APC2: variants seen among roughly 807,000 people sequenced by gnomAD.
APC2 encodes the protein adenomatous polyposis coli protein 2.
APC2 carries 41 observed loss-of-function variants against 72.5 expected under a neutral mutation model. That is an observed-to-expected ratio of 0.57 (90% CI 0.44 to 0.73). The LOEUF (loss-of-function observed/expected upper bound fraction) is 0.73. APC2 is among the 30% of genes least tolerant of loss of function. The pLI, the probability that APC2 is intolerant of heterozygous loss-of-function variation, is 0.00. For missense variants in APC2, 3,729 were observed against 3,403.4 expected (o/e 1.10, Z -2.38); for synonymous variants, 1,898 against 1,612.0 (o/e 1.18, Z -4.25).
In APC2 at chr19:1,452,891, C is replaced by G; in HGVS notation, c.-18-93C>G. ...CCCCCCAACCCAGGATCAGGCAGGA[C>G]GGCTGGGGCTTAGGTCAGGGGCCGT... On this transcript the variant is annotated intron_variant, in intron 1 of 14. Transcript: ENST00000590469. This position sits in a 1 kb window ranked among gnomAD's most constrained non-coding sequence, Gnocchi z 5.1. 1 of 1,434,616 alleles carries G rather than the reference C, an allele frequency of 7.0e-7. No individual in the cohort carries two copies. Among genetic ancestry groups the G allele is most frequent in the Non-Finnish European group, 9.3e-7 (1 of 1,069,804 alleles). 88.9% of individuals were successfully genotyped at this position (1,434,616 alleles called of 1,614,324 possible).
At position 1,470,029 on chromosome 19, in the gene APC2, C is replaced by T. The variant is rs2084107549; in HGVS notation, c.6728C>T (p.Pro2243Leu). 6.4e-7 allele frequency: 1 copy of T among 1,561,774 alleles called. No individual in the cohort carries two copies. The highest frequency in any genetic ancestry group is 8.6e-7 in the Non-Finnish European group (1 of 1,159,240). Residue 2243 changes from proline (P) to leucine (L), a missense_variant, in exon 15 of 15, where the codon CCC becomes CTC. By Grantham distance (98) the Pro-to-Leu change is moderately conservative (BLOSUM62 -3). Transcript: ENST00000590469. ...CTCGCCAAGGCTCCCATCTCCGCACCCTTCGTGCACGAGGGCCTGGGGGTC... is the reference window on the plus strand; with the variant it reads ...CTCGCCAAGGCTCCCATCTCCGCACTCTTCGTGCACGAGGGCCTGGGGGTC... ...PSLAKAPISA[P>L]FVHEGLGVAV...
chr19:1,457,036 G>T lies in APC2; in HGVS notation c.1000G>T (p.Ala334Ser). The change falls in exon 9 of 15, where the codon GCC (alanine) becomes TCC (serine). Residue 334 changes from alanine (A) to serine (S), a missense_variant. Physicochemically the swap from Ala to Ser is moderately conservative, Grantham distance 99. Coordinates refer to ENST00000590469, the MANE Select transcript of APC2 (RefSeq NM_005883.3). ...TEAAAGGRAG[A>S]PGAPGAKDAR... ...GGCCGCGGCCGGGGGTCGCGCCGGG[G>T]CCCCAGGGGCACCGGGCGCCAAGGA... The T allele has an allele frequency of 1.3e-6, 2 of 1,526,548 alleles. No homozygotes were observed. The highest frequency in any genetic ancestry group is 1.7e-6 in the Non-Finnish European group (2 of 1,143,652). 94.6% of individuals were successfully genotyped at this position (1,526,548 alleles called of 1,614,324 possible). A position where few individuals can be genotyped will look rare whatever the true frequency, so the allele number is the denominator to read the frequency against.
chr19:1,461,136 G>A lies in APC2; in HGVS notation c.1621G>A (p.Val541Ile), dbSNP rs937448612. ...AGSVTALVQC[V>I]LRATKESTLK... ...CAGCGTGACTGCCCTGGTGCAGTGTGTCCTGCGGGCCACCAAGGTGGGCAC... is the reference window on the plus strand; with the variant it reads ...CAGCGTGACTGCCCTGGTGCAGTGTATCCTGCGGGCCACCAAGGTGGGCAC... The change falls in exon 13 of 15, where the codon GTC becomes ATC. Residue 541 changes from valine (V) to isoleucine (I), a missense_variant. By Grantham distance (29) the Val-to-Ile change is conservative. Coordinates refer to ENST00000590469, the MANE Select transcript of APC2 (RefSeq NM_005883.3). 2.5e-6 allele frequency: 4 copies of A among 1,611,210 alleles called. No individual in the cohort carries two copies. The African/African-American group carries it at 5.3e-5, about 21-fold the overall frequency.
Position 1,468,550 on chromosome 19 carries a change from G to A in APC2, c.5249G>A (p.Arg1750Gln), listed in dbSNP as rs758126996. ...QAEGEMGSARRPEKRGAASVK... is the reference protein window; with the variant it reads ...QAEGEMGSARQPEKRGAASVK... ...GAGGGAGAAATGGGCAGTGCCCGGC[G>A]GCCAGAGAAAAGGGGCGCAGCCTCA... Residue 1750 changes from arginine (R) to glutamine (Q), a missense_variant, in exon 15 of 15, where the codon CGG becomes CAG. By Grantham distance (43) the Arg-to-Gln change is conservative. Coordinates refer to ENST00000590469, the MANE Select transcript of APC2 (RefSeq NM_005883.3). 1.3e-6 allele frequency: 2 copies of A among 1,598,072 alleles called. No individual in the cohort carries two copies. Among genetic ancestry groups the A allele is most frequent in the Admixed American group, 1.7e-5 (1 of 59,284 alleles).
chr19:1,457,564 G>A (rs1241633379), intron 9 of APC2: 1 of 510,564 alleles, frequency 2.0e-6, no homozygotes, highest in Non-Finnish European at 3.5e-6. Context: ...CGGGCGCTGT[G>A]ACTCACACCT....
rs1277465985 is a variant in APC2, at chr19:1,472,580, G to T, written c.*2367G>T. 2 of 152,098 alleles carry T rather than the reference G, an allele frequency of 1.3e-5. No individual in the cohort carries two copies. The highest frequency in any genetic ancestry group is 2.9e-5 in the Non-Finnish European group (2 of 68,028). The allele number at this position is 152,098 out of a possible 1,614,324, so 9.4% of individuals were successfully genotyped here. A position where few individuals can be genotyped will look rare whatever the true frequency, so the allele number is the denominator to read the frequency against. On this transcript the variant is annotated 3_prime_UTR_variant, in exon 15 of 15. Coordinates refer to ENST00000590469, the MANE Select transcript of APC2 (RefSeq NM_005883.3). ...CAGCAGCAAGGTGCGCAACATGGCT[G>T]CCAGCCCCGCCTCCCACCCCCACCC... is the stretch of plus-strand genomic sequence containing the variant.
chr19:1,457,788 A>G, intron 9 of APC2, 177 bp from the exon 10 acceptor site: 1 of 630,184 alleles, frequency 1.6e-6, no homozygotes, highest in Non-Finnish European at 2.8e-6. Context: ...GCTGAGTGAG[A>G]GAGGCCACCC....
chr19:1,470,413 TC>T lies in APC2; in HGVS notation c.*202del. The stretch of plus-strand genomic sequence containing the variant: ...AGACCTTGCCTCTGTGCCGCGGAGG[TC>T]CAGGAGGAAACGGGGCGGCCGCTAG... On this transcript the variant is annotated 3_prime_UTR_variant, in exon 15 of 15. Transcript: ENST00000590469. 2 of 785,314 alleles carry T rather than the reference TC, an allele frequency of 2.5e-6. No individual in the cohort carries two copies. The highest frequency in any genetic ancestry group is 2.2e-5 in the South Asian group (1 of 44,672). 48.6% of individuals were successfully genotyped at this position (785,314 alleles called of 1,614,324 possible).
rs560844801 is a variant in APC2 at position 1,456,952 on chromosome 19, G to C, written c.916G>C (p.Val306Leu). 5 of 1,548,114 alleles carry C rather than the reference G, an allele frequency of 3.2e-6. No individual in the cohort carries two copies. Among genetic ancestry groups the C allele is most frequent in the Non-Finnish European group, 4.3e-6 (5 of 1,154,272 alleles). ...LAMSSSPESC[V>L]AMRRSGCLPL... ...CATGTCCAGCTCGCCCGAGAGCTGC[G>C]TGGCCATGCGCCGCTCGGGCTGTCT... Residue 306 changes from valine to leucine, a missense_variant, in exon 9 of 15, where the codon GTG (valine) becomes CTG (leucine). By Grantham distance (32) the Val-to-Leu change is conservative. Transcript: ENST00000590469.
At position 1,460,761 on chromosome 19, in the gene APC2, G is replaced by A; in HGVS notation, c.1444-19G>A. On this transcript the variant is annotated intron_variant, in intron 11 of 14. Transcript: ENST00000590469. ...CTTGTGTCCCAACCCCGTGACCCCG[G>A]CTGCATAACCCCCAACAGGCCACCC... The A allele has an allele frequency of 1.2e-6, 2 of 1,610,008 alleles. No individual in the cohort carries two copies. The highest frequency in any genetic ancestry group is 8.5e-7 in the Non-Finnish European group (1 of 1,177,704).
intron 9 of APC2, 123 bp downstream of exon 9, chr19:1,457,366 C>G (rs2083850648): frequency 7.4e-7 from 1 of 1,359,608 alleles, no homozygotes; most frequent in African/African-American, 1.5e-5. Flanking sequence ...GGCTGCAGTA[C>G]CAGGCTCCGG....
chr19:1,450,180 T>C lies in APC2; in HGVS notation c.-177T>C. ...CCGCCTGCCCAGGCCCGGACCGGGC[T>C]TTGTCCGCCCCGGAGCCCCTGCCCG... On this transcript the variant is annotated 5_prime_UTR_variant, in exon 1 of 15. Transcript: ENST00000590469. 1.0e-6 allele frequency: 1 copy of C among 985,016 alleles called. No individual in the cohort carries two copies. Among genetic ancestry groups the C allele is most frequent in the Non-Finnish European group, 1.2e-6 (1 of 829,808 alleles). 61.0% of individuals were successfully genotyped at this position (985,016 alleles called of 1,614,324 possible).
rs142402932 is a variant in APC2 at position 1,456,369 on chromosome 19, C to G, written c.781C>G (p.Pro261Ala). 1,153 of 1,608,610 alleles carry G rather than the reference C, an allele frequency of 7.2e-4. 21 individuals carry two copies. In the South Asian group the frequency reaches 0.01, roughly 14 times the overall value. Reference sequence around the variant, plus strand: ...CCCCGAGACAGAGGTCCCCACACACCCTGAGGATGGCACCCCTCAGCCGGG... The same window carrying G: ...CCCCGAGACAGAGGTCCCCACACACGCTGAGGATGGCACCCCTCAGCCGGG... ...EDPETEVPTH[P>A]EDGTPQPGNS... is the part of the protein sequence containing the mutation. The change falls in exon 8 of 15, where the codon CCT (proline) becomes GCT (alanine). Residue 261 changes from proline to alanine, a missense_variant. Transcript: ENST00000590469.
At chr19:1,463,253 T>C (rs1485592183) in intron 14 of APC2, among the ~76,000 whole-genome samples, 1 of 151,404 alleles carries the variant, frequency 6.6e-6, no homozygotes, top group Non-Finnish European at 1.5e-5. Flanking sequence ...CCGTCTCTAC[T>C]GCAAATACAA....
chr19:1,466,665 C>T lies in APC2; in HGVS notation c.3364C>T (p.Leu1122=), dbSNP rs996994364. The change falls in exon 15 of 15, where the codon CTG becomes TTG. Residue 1122 remains leucine, a synonymous_variant. Coordinates refer to ENST00000590469, the MANE Select transcript of APC2 (RefSeq NM_005883.3). ...STWRAPGATS[L]PVAIPAPRRN... ...GTGGCGGGCGCCCGGGGCCACCTCGCTGCCCGTAGCCATTCCGGCTCCCCG... is the reference window on the plus strand; with the variant it reads ...GTGGCGGGCGCCCGGGGCCACCTCGTTGCCCGTAGCCATTCCGGCTCCCCG... 6 of 1,498,388 alleles carry T rather than the reference C, an allele frequency of 4.0e-6. No homozygotes were observed. Among genetic ancestry groups the T allele is most frequent in the Middle Eastern group, 1.7e-4 (1 of 5,790 alleles). The allele number at this position is 1,498,388 out of a possible 1,614,324, so 92.8% of individuals were successfully genotyped here. A position where few individuals can be genotyped will look rare whatever the true frequency, so the allele number is the denominator to read the frequency against.
At position 1,457,062 on chromosome 19, in the gene APC2, C is replaced by G; in HGVS notation, c.1026C>G (p.Asp342Glu). The G allele has an allele frequency of 1.3e-6, 2 of 1,541,600 alleles. No individual in the cohort carries two copies. The highest frequency in any genetic ancestry group is 1.4e-5 in the African/African-American group (1 of 71,852). ...CCCCAGGGGCACCGGGCGCCAAGGA[C>G]GCACGCATGCGCGCCAACGCGGCGC... is the stretch of plus-strand genomic sequence containing the variant. ...AGAPGAPGAK[D>E]ARMRANAALH... is the part of the protein sequence containing the mutation. The change falls in exon 9 of 15, where the codon GAC (aspartate) becomes GAG (glutamate). Residue 342 changes from aspartate to glutamate, a missense_variant. By Grantham distance (45) the Asp-to-Glu change is conservative. Transcript: ENST00000590469.
chr19:1,465,970 A>G lies in APC2; in HGVS notation c.2669A>G (p.Gln890Arg). ...GAGGCGCCACGGGAGGGCCGCGCCC[A>G]GTCCTGCTCGCCATGCCGCGGCCCG... ...GQEAPREGRA[Q>R]SCSPCRGPEG... Residue 890 changes from glutamine (Q) to arginine (R), a missense_variant, in exon 15 of 15, where the codon CAG becomes CGG. Transcript: ENST00000590469. The G allele has an allele frequency of 6.5e-7, 1 of 1,544,838 alleles. No individual in the cohort carries two copies.
rs761876522 is a variant in APC2 at position 1,465,398 on chromosome 19, C to T, written c.2097C>T (p.Pro699=). Residue 699 remains proline (P), a synonymous_variant, in exon 15 of 15, where the codon CCC becomes CCT. Transcript: ENST00000590469. ...AALRNLLAHR[P]AKHQAAATAV... The stretch of plus-strand genomic sequence containing the variant: ...TGCGCAACCTGCTGGCCCATCGGCC[C>T]GCCAAGCACCAGGCGGCCGCCACCG... The T allele has an allele frequency of 3.8e-6, 6 of 1,563,744 alleles. No homozygotes were observed. The highest frequency in any genetic ancestry group is 2.3e-5 in the East Asian group (1 of 42,718).
Position 1,468,243 on chromosome 19 carries a change from C to G in APC2, c.4942C>G (p.Arg1648Gly). ...GCGCCGGCCCCCCGTGTCTGGCCTGCGGCGCCGCAAGCCCCGAGCCACCCG... is the reference window on the plus strand; with the variant it reads ...GCGCCGGCCCCCCGTGTCTGGCCTGGGGCGCCGCAAGCCCCGAGCCACCCG... The part of the protein sequence containing the change: ...PRRRPPVSGL[R>G]RRKPRATRLD... Residue 1648 changes from arginine (R) to glycine (G), a missense_variant, in exon 15 of 15, where the codon CGG becomes GGG. Arg to Gly is a moderately radical substitution (Grantham distance 125). Coordinates refer to ENST00000590469, the MANE Select transcript of APC2 (RefSeq NM_005883.3). 2.0e-6 allele frequency: 3 copies of G among 1,504,310 alleles called. No homozygotes were observed. Among genetic ancestry groups the G allele is most frequent in the Non-Finnish European group, 1.8e-6 (2 of 1,131,320 alleles). 93.2% of individuals were successfully genotyped at this position (1,504,310 alleles called of 1,614,324 possible).
Sources: gnomAD v4.1 joint callset for allele counts (sites outside exome capture counted in the v4.1 genomes callset) on GRCh38, gnomAD v4.1.1 for gene constraint, Gnocchi (gnomAD v3.1) non-coding constraint, MANE v1.5 for transcripts, NCBI Gene and HGNC (gene_info 2026-07-23, HGNC 2026-07-21) for gene names.